Variants in TMPRSS11D observed in about 807,000 individuals in gnomAD.
The protein encoded by TMPRSS11D is transmembrane protease serine 11D.
Under a neutral mutation model 44.4 loss-of-function variants are expected in TMPRSS11D, and 32 were observed. The observed-to-expected ratio is 0.72, with a 90% confidence interval of 0.54 to 0.97. The LOEUF (loss-of-function observed/expected upper bound fraction) is 0.97, where lower values mean the gene tolerates loss of function less well. TMPRSS11D is among the 50% of genes least tolerant of loss of function. TMPRSS11D has a pLI of 0.00. For synonymous variants in TMPRSS11D, 179 were observed against 177.9 expected, an observed-to-expected ratio of 1.01 and a Z score of -0.05; for missense variants, 446 against 502.6, an observed-to-expected ratio of 0.89 and a Z score of 1.08.
chr4:67,831,536 G>A (rs1010715407), intron 7 of TMPRSS11D, among the ~76,000 whole-genome samples: 2 of 152,078 alleles, frequency 1.3e-5, no homozygotes, highest in African/African-American at 4.8e-5. Context: ...GGTTTTTGGT[G>A]ATTGGGACTG....
At position 67,821,105 on chromosome 4, in the gene TMPRSS11D, A is replaced by G. The variant is rs927869706; in HGVS notation, c.*1232T>C. Reference sequence around the variant, plus strand: ...TTGTAGAAGGAGGAAGCTCTGACGCATAGATGATCATGCATAGGCAAACTT... The same window carrying G: ...TTGTAGAAGGAGGAAGCTCTGACGCGTAGATGATCATGCATAGGCAAACTT... On this transcript the variant is annotated 3_prime_UTR_variant, in exon 10 of 10. Coordinates refer to ENST00000283916, the MANE Select transcript of TMPRSS11D (RefSeq NM_004262.3). 1 of 152,242 alleles carries G rather than the reference A, an allele frequency of 6.6e-6. No individual in the cohort carries two copies. The highest frequency in any genetic ancestry group is 2.4e-5 in the African/African-American group (1 of 41,460). The allele number at this position is 152,242 out of a possible 1,614,324, so 9.4% of individuals were successfully genotyped here.
intron 1 of TMPRSS11D, among the ~76,000 whole-genome samples, chr4:67,865,470 T>C (rs1464496153): frequency 6.6e-6 from 1 of 151,104 alleles, no homozygotes; most frequent in African/African-American, 2.4e-5. Flanking sequence ...AGAAAATAAA[T>C]AACAATGATC....
rs141532656 is a variant in TMPRSS11D, at chr4:67,833,640, C to T, written c.515-259G>A. 5.2e-3 allele frequency: 1,509 copies of T among 291,690 alleles called. 9 individuals are homozygous for T. The highest frequency in any genetic ancestry group is 6.7e-3 in the Non-Finnish European group (1,073 of 159,398). The allele number at this position is 291,690 out of a possible 1,614,324, so 18.1% of individuals were successfully genotyped here. A position where few individuals can be genotyped will look rare whatever the true frequency, so the allele number is the denominator to read the frequency against. ...AAATTTTGAGCAGCTTCAGAGTTCC[C>T]TGGAATTCCTCATGAGTTGAGGTTA... On this transcript the variant is annotated intron_variant, in intron 6 of 9. Transcript: ENST00000283916.
At chr4:67,835,502 T>C (rs533027353) in intron 5 of TMPRSS11D, among the ~76,000 whole-genome samples, 1 of 152,290 alleles carries the variant, frequency 6.6e-6, no homozygotes, top group African/African-American at 2.4e-5. Flanking sequence ...TAATTTATCA[T>C]GTCCTCAAAT....
At chr4:67,838,028 TG>T in intron 5 of TMPRSS11D, 143 bp downstream of exon 5, 2 of 571,768 alleles carry the variant, frequency 3.5e-6, no homozygotes, top group Non-Finnish European at 5.7e-6. Flanking sequence ...GGGAGCTATA[TG>T]GTATATTTAG....
At chr4:67,854,765 A>C (rs1427934190) in intron 2 of TMPRSS11D, among the ~76,000 whole-genome samples, 1 of 152,244 alleles carries the variant, frequency 6.6e-6, no homozygotes, top group African/African-American at 2.4e-5. Flanking sequence ...ATAAGATTGA[A>C]TCAGTAGTAA....
At chr4:67,862,635 T>G (rs1176403547) in intron 1 of TMPRSS11D, among the ~76,000 whole-genome samples, 1 of 152,024 alleles carries the variant, frequency 6.6e-6, no homozygotes, top group Non-Finnish European at 1.5e-5. Flanking sequence ...AAAACCACAA[T>G]AGCGAAGACT....
chr4:67,826,026 G>T, intron 8 of TMPRSS11D, 152 bp from the exon 9 acceptor site: 1 of 934,768 alleles, frequency 1.1e-6, no homozygotes, highest in Non-Finnish European at 1.5e-6. Context: ...TTTCTTCGCA[G>T]CCAAAATTCC....
chr4:67,837,644 A>T (rs1277030123), intron 5 of TMPRSS11D, among the ~76,000 whole-genome samples: 3 of 152,132 alleles, frequency 2.0e-5, no homozygotes, highest in African/African-American at 7.2e-5. Flanking sequence ...TATTTATTGA[A>T]TATGTGTTAT....
intron 3 of TMPRSS11D, among the ~76,000 whole-genome samples, chr4:67,843,563 AG>A (rs1167973392): frequency 6.6e-6 from 1 of 152,198 alleles, no homozygotes; most frequent in Non-Finnish European, 1.5e-5. Flanking sequence ...AACATAAAAA[AG>A]GATACTCCAA....
intron 1 of TMPRSS11D, among the ~76,000 whole-genome samples, chr4:67,865,665 G>C (rs758268033): frequency 5.3e-5 from 8 of 151,502 alleles, no homozygotes; most frequent in Admixed American, 1.3e-4. Flanking sequence ...AGAAATACAA[G>C]AACCATTAGA....
intron 3 of TMPRSS11D, 139 bp downstream of exon 3, chr4:67,853,929 G>T: frequency 1.9e-6 from 1 of 516,936 alleles, no homozygotes; most frequent in Non-Finnish European, 3.3e-6. Flanking sequence ...GATAAAAGCA[G>T]AGAGAAACAC....
chr4:67,859,730 A>G (rs746991620), intron 1 of TMPRSS11D, 52 bp from the exon 2 acceptor site: 3 of 1,604,374 alleles, frequency 1.9e-6, no homozygotes, highest in Non-Finnish European at 2.6e-6. Flanking sequence ...GATTTCATCC[A>G]TCATTTTAGT....
intron 7 of TMPRSS11D, among the ~76,000 whole-genome samples, chr4:67,830,489 G>A (rs1455215432): frequency 8.6e-5 from 13 of 151,944 alleles, no homozygotes; most frequent in Admixed American, 8.5e-4. Context: ...ATTAGATAGT[G>A]GAGTTAATAC....
chr4:67,828,638 C>T (rs927695124), intron 7 of TMPRSS11D, among the ~76,000 whole-genome samples: 1 of 152,064 alleles, frequency 6.6e-6, no homozygotes, highest in African/African-American at 2.4e-5. Flanking sequence ...TCAGCTGCAC[C>T]CAAGGTCAGA....
intron 1 of TMPRSS11D, among the ~76,000 whole-genome samples, chr4:67,878,568 G>T (rs1466440287): frequency 6.6e-6 from 1 of 152,082 alleles, no homozygotes; most frequent in Non-Finnish European, 1.5e-5. Flanking sequence ...TGTATATCTA[G>T]CACCTAACAG....
chr4:67,848,551 A>T lies in TMPRSS11D; in HGVS notation c.249+5517T>A, dbSNP rs79509634. ...ATCATTCATAATTAAGTAAAATTATAACTGTGAAAAGTGCAGCAATACAGT... is the reference window on the plus strand; with the variant it reads ...ATCATTCATAATTAAGTAAAATTATTACTGTGAAAAGTGCAGCAATACAGT... On this transcript the variant is annotated intron_variant, in intron 3 of 9. Coordinates refer to ENST00000283916, the MANE Select transcript of TMPRSS11D (RefSeq NM_004262.3). 4.2e-3 allele frequency among the ~76,000 whole-genome samples: 634 copies of T among 152,358 alleles called. 2 individuals carry two copies. Among genetic ancestry groups the T allele is most frequent in the Middle Eastern group, 0.014 (4 of 294 alleles).
At chr4:67,826,758 TAG>T (rs1491258706) in intron 8 of TMPRSS11D, among the ~76,000 whole-genome samples, 38 of 100,432 alleles carry the variant, frequency 3.8e-4, no homozygotes, top group African/African-American at 1.1e-3. Context: ...AACCTGTCTG[TAG>T]AAAAAAAAAA....
Position 67,821,414 on chromosome 4 carries a change from G to A in TMPRSS11D, c.*923C>T, listed in dbSNP as rs774136070. On this transcript the variant is annotated 3_prime_UTR_variant, in exon 10 of 10. Transcript: ENST00000283916. ...TTTCAATTCGTTACTTAGATTTAGC[G>A]TTTGACGACCCTTTTACGCTCAAAA... 2.0e-5 allele frequency: 3 copies of A among 152,124 alleles called. No individual in the cohort carries two copies. Among genetic ancestry groups the A allele is most frequent in the Non-Finnish European group, 2.9e-5 (2 of 68,004 alleles). 9.4% of individuals were successfully genotyped at this position (152,124 alleles called of 1,614,324 possible).
Sources: gnomAD v4.1 joint callset for allele counts (sites outside exome capture counted in the v4.1 genomes callset) on GRCh38, gnomAD v4.1.1 for gene constraint, MANE v1.5 for transcripts, NCBI Gene and HGNC (gene_info 2026-07-23, HGNC 2026-07-21) for gene names.